Variants in EVL observed in about 807,000 individuals in gnomAD.
EVL encodes Enah/Vasp-like.
EVL carries 21 observed loss-of-function variants against 59.6 expected under a neutral mutation model. That is an observed-to-expected ratio of 0.35 (90% confidence interval 0.25 to 0.51). EVL has a LOEUF of 0.51. Among genes scored for constraint, EVL ranks in the 20% least tolerant of loss-of-function variants. The pLI is 0.97. For missense variants in EVL, 462 were observed against 546.6 expected (o/e 0.85, Z 1.54); for synonymous variants, 198 against 203.5 (o/e 0.97, Z 0.23).
At chr14:99,983,131 G>T (rs1025673646) in intron 1 of EVL, among the ~76,000 whole-genome samples, 1 of 152,046 alleles carries the variant, frequency 6.6e-6, no homozygotes, top group Non-Finnish European at 1.5e-5. Context: ...CAAATATTCT[G>T]CCCTTTTGTC....
At chr14:99,994,345 C>T (rs1333692839) in intron 1 of EVL, among the ~76,000 whole-genome samples, 5 of 151,586 alleles carry the variant, frequency 3.3e-5, no homozygotes, top group African/African-American at 1.2e-4. Flanking sequence ...TTTTGTCTCT[C>T]ATTTCTTCTC....
chr14:100,026,530 C>T (rs1050614541), intron 1 of EVL, among the ~76,000 whole-genome samples: 8 of 152,078 alleles, frequency 5.3e-5, no homozygotes, highest in East Asian at 3.9e-4. Flanking sequence ...GTGCCTGGCA[C>T]GTGCTCCACA....
chr14:99,976,180 T>TTTTATTTA (rs141612796), intron 1 of EVL, among the ~76,000 whole-genome samples: 2,049 of 145,828 alleles, frequency 0.014, 49 homozygotes, highest in African/African-American at 0.041. Flanking sequence ...CATGGCCAGC[T>TTTTATTTA]TTTATTTATT....
At chr14:100,030,045 G>A (rs2061285612) in intron 1 of EVL, among the ~76,000 whole-genome samples, 1 of 151,940 alleles carries the variant, frequency 6.6e-6, no homozygotes, top group Non-Finnish European at 1.5e-5. Flanking sequence ...CTGTAAAATG[G>A]GACTATTACC....
intron 1 of EVL, among the ~76,000 whole-genome samples, chr14:100,026,921 T>C (rs2061223933): frequency 6.6e-6 from 1 of 152,098 alleles, no homozygotes; most frequent in Non-Finnish European, 1.5e-5. Flanking sequence ...TGTGGATCTT[T>C]GATAGATGAT....
intron 1 of EVL, among the ~76,000 whole-genome samples, chr14:100,026,602 C>A (rs2061217967): frequency 6.6e-6 from 1 of 152,138 alleles, no homozygotes; most frequent in Non-Finnish European, 1.5e-5. Flanking sequence ...GAATGACCTA[C>A]CCTCCTCCCA....
intron 1 of EVL, among the ~76,000 whole-genome samples, chr14:100,033,621 A>G (rs534118176): frequency 6.6e-6 from 1 of 152,242 alleles, no homozygotes; most frequent in African/African-American, 2.4e-5. Flanking sequence ...TTATTGAATA[A>G]GTGGCTCTCT....
rs543161711 is a variant in EVL at position 100,142,244 on chromosome 14, AAGGTCTACAGAAGCACCTTCCAGGCTTG to A, written c.1219+454_1219+481del. On this transcript the variant is annotated intron_variant, in intron 13 of 13. Transcript: ENST00000392920. ...GCCTTCCTGGGGGTACAGGAAGACC[AAGGTCTACAGAAGCACCTTCCAGGCTTG>A]AGCTCGTTCACAGCCTGCCTGGCCC... 1,348 of 154,284 alleles carry A rather than the reference AAGGTCTACAGAAGCACCTTCCAGGCTTG, an allele frequency of 8.7e-3. 19 individuals carry two copies. Among genetic ancestry groups the A allele is most frequent in the African/African-American group, 0.029 (1,188 of 41,646 alleles). The allele number at this position is 154,284 out of a possible 1,614,324, so 9.6% of individuals were successfully genotyped here. A position where few individuals can be genotyped will look rare whatever the true frequency, so the allele number is the denominator to read the frequency against.
chr14:100,120,109 G>T (rs1887601699), intron 3 of EVL, among the ~76,000 whole-genome samples: 3 of 152,204 alleles, frequency 2.0e-5, no homozygotes, highest in Admixed American at 6.5e-5. Context: ...TCAGCAGAGG[G>T]TACCTGGTGC....
At chr14:99,983,876 C>T (rs923018693) in intron 1 of EVL, among the ~76,000 whole-genome samples, 4 of 152,030 alleles carry the variant, frequency 2.6e-5, no homozygotes, top group African/African-American at 7.2e-5. Flanking sequence ...TGTGATATCC[C>T]ATATTTCCTC....
At chr14:100,121,655 G>C (rs1887706409) in intron 3 of EVL, among the ~76,000 whole-genome samples, 1 of 152,246 alleles carries the variant, frequency 6.6e-6, no homozygotes, top group Non-Finnish European at 1.5e-5. Context: ...GACTTTCCCA[G>C]CCTCTGGAGA....
chr14:100,051,220 A>G (rs2148643), intron 1 of EVL, among the ~76,000 whole-genome samples: 136,374 of 152,222 alleles, frequency 0.9, 61,480 homozygotes, highest in Non-Finnish European at 0.94. Context: ...GAAACCTTGC[A>G]CTGTCCTGCT....
intron 11 of EVL, 45 bp downstream of exon 11, chr14:100,137,847 C>T (rs1177311584): frequency 1.3e-6 from 2 of 1,575,082 alleles, no homozygotes; most frequent in South Asian, 2.2e-5. Context: ...GGGTTTGGGG[C>T]TCCTCTGTCC....
chr14:99,979,586 G>A (rs1405595126), intron 1 of EVL, among the ~76,000 whole-genome samples: 3 of 152,062 alleles, frequency 2.0e-5, no homozygotes, highest in Non-Finnish European at 4.4e-5. Flanking sequence ...AAGGATGGTT[G>A]TGGCTGGGTG....
At chr14:100,023,094 G>A (rs2061153348) in intron 1 of EVL, among the ~76,000 whole-genome samples, 1 of 152,138 alleles carries the variant, frequency 6.6e-6, no homozygotes, top group Non-Finnish European at 1.5e-5. Flanking sequence ...CAGCTGCCTA[G>A]GGGATTTTTG....
At chr14:100,132,248 G>A (rs72711955) in intron 7 of EVL, among the ~76,000 whole-genome samples, 2,564 of 149,472 alleles carry the variant, frequency 0.017, 36 homozygotes, top group Non-Finnish European at 0.03. Flanking sequence ...TTCTAGATTG[G>A]GGAGGGCGTG....
chr14:100,086,996 C>T lies in EVL; in HGVS notation c.180+2141C>T, dbSNP rs140237517. Among the ~76,000 whole-genome samples, 62 of 152,280 alleles carry T rather than the reference C, an allele frequency of 4.1e-4. 1 individual carries two copies. The highest frequency in any genetic ancestry group is 6.8e-3 in the Middle Eastern group (2 of 294). On this transcript the variant is annotated intron_variant, in intron 2 of 13. Transcript: ENST00000392920. ...GATTTTCACAGATTTGGTTTTAGTC[C>T]GTGTGGGCTACCACCTTAAAGTGGT...
chr14:100,008,068 G>T (rs1373614652), intron 1 of EVL, among the ~76,000 whole-genome samples: 2 of 152,148 alleles, frequency 1.3e-5, no homozygotes, highest in African/African-American at 4.8e-5. Flanking sequence ...TGTTCCTGGG[G>T]CCCAGAATCA....
At chr14:100,091,935 A>G (rs899995584) in intron 2 of EVL, among the ~76,000 whole-genome samples, 2 of 152,126 alleles carry the variant, frequency 1.3e-5, no homozygotes, top group African/African-American at 4.8e-5. Flanking sequence ...TGCTTGTTGT[A>G]TGAGAGTAGA....
Sources: allele counts gnomAD v4.1 joint callset (sites outside exome capture counted in the v4.1 genomes callset), GRCh38; gene constraint gnomAD v4.1.1; transcripts MANE v1.5; gene names NCBI Gene and HGNC (gene_info 2026-07-23, HGNC 2026-07-21).